CELF2: variants seen among roughly 807,000 people sequenced by gnomAD.
The protein encoded by CELF2 is CUGBP Elav-like family member 2, also known as CUG triplet repeat RNA-binding protein 2.
A neutral mutation model predicts 62.6 loss-of-function variants in CELF2; 8 were observed. The observed-to-expected ratio is 0.13, with a 90% CI of 0.07 to 0.23. CELF2 has a LOEUF of 0.23. Ranked by LOEUF, CELF2 falls within the 10% of genes least tolerant of loss-of-function variation. The pLI is 1.00. For synonymous variants in CELF2, 258 were observed against 250.0 expected (o/e 1.03, Z -0.30); for missense variants, 333 against 671.0 (o/e 0.50, Z 5.56).
chr10:10,913,858 A>AGAAGGAAGGAAGGAAGGAAGGAAG (rs71378770), intron 1 of CELF2, among the ~76,000 whole-genome samples: 9,139 of 100,920 alleles, frequency 0.091, 755 homozygotes, highest in Non-Finnish European at 0.11. Context: ...AGGGAAGGAG[A>AGAAGGAAGGAAGGAAGGAAGGAAG]GAAGGAAGGA....
chr10:11,110,683 C>T lies in CELF2; in HGVS notation c.75-54803C>T, dbSNP rs1346642825. ...CAGCCAGTGTGACGTTGAGAGTGTT[C>T]TCATGGGTCGTTGGCATTCTCAGCA... On this transcript the variant is annotated intron_variant, in intron 1 of 12. Transcript: ENST00000633077. The surrounding 1 kb of genome is among the most constrained non-coding windows in gnomAD (Gnocchi z 4.0). Among the ~76,000 whole-genome samples, 1 of 152,238 alleles carries T rather than the reference C, an allele frequency of 6.6e-6. No homozygotes were observed. The highest frequency in any genetic ancestry group is 2.1e-4 in the South Asian group (1 of 4,818).
At chr10:11,031,123 C>T (rs933305291) in intron 1 of CELF2, among the ~76,000 whole-genome samples, 3 of 152,274 alleles carry the variant, frequency 2.0e-5, no homozygotes, top group East Asian at 3.9e-4. Flanking sequence ...TCTCAGGTGG[C>T]GCTACGCCTT....
chr10:10,788,132 C>T, the CELF2 span, among the ~76,000 whole-genome samples: 1 of 152,052 alleles, frequency 6.6e-6, no homozygotes, highest in Admixed American at 6.6e-5. Context: ...ATTTTTGAAG[C>T]CCTGCTTTTC....
intron 1 of CELF2, among the ~76,000 whole-genome samples, chr10:11,102,642 A>G (rs2052035722): frequency 6.6e-6 from 1 of 152,186 alleles, no homozygotes; most frequent in Admixed American, 6.5e-5. Context: ...GGAACTCTTG[A>G]CTTTTACATC....
chr10:10,578,894 C>A, the CELF2 span, among the ~76,000 whole-genome samples: 1 of 152,124 alleles, frequency 6.6e-6, no homozygotes, highest in Non-Finnish European at 1.5e-5. Context: ...GTTGTTGATG[C>A]TAATATTAAC....
At chr10:11,077,607 A>G (rs1042952026) in intron 1 of CELF2, among the ~76,000 whole-genome samples, 4 of 152,292 alleles carry the variant, frequency 2.6e-5, no homozygotes, top group Non-Finnish European at 5.9e-5. Context: ...ACCTATTATT[A>G]CTTTTATCAG....
chr10:11,153,032 A>G (rs963156974), intron 1 of CELF2, among the ~76,000 whole-genome samples: 1 of 152,214 alleles, frequency 6.6e-6, no homozygotes, highest in Non-Finnish European at 1.5e-5. Context: ...CCTGGACCAC[A>G]TTACAAGAAA....
chr10:10,627,934 G>C, the CELF2 span, among the ~76,000 whole-genome samples: 2 of 151,990 alleles, frequency 1.3e-5, no homozygotes, highest in African/African-American at 4.8e-5. Context: ...ATAGAGTCTC[G>C]CTCTGTCACC....
chr10:11,219,425 C>T (rs2064174616), intron 3 of CELF2, among the ~76,000 whole-genome samples: 1 of 152,208 alleles, frequency 6.6e-6, no homozygotes, highest in African/African-American at 2.4e-5. Context: ...GGTGATGTTA[C>T]AGACCCACTG....
In CELF2 at chr10:11,324,347, G is replaced by C. The variant is rs886800591; in HGVS notation, c.1295-1489G>C. Among the ~76,000 whole-genome samples the C allele has an allele frequency of 4.6e-5, 7 of 152,314 alleles. No individual in the cohort carries two copies. The highest frequency in any genetic ancestry group is 1.7e-4 in the African/African-American group (7 of 41,568). On this transcript the variant is annotated intron_variant, in intron 11 of 12. Transcript: ENST00000633077. This position sits in a 1 kb window ranked among gnomAD's most constrained non-coding sequence, Gnocchi z 4.7. The stretch of plus-strand genomic sequence containing the variant: ...ATCTGACCATCAGACATACCACCCA[G>C]GATGTGCACACACAGCAGTGCTCAG...
intron 2 of CELF2, among the ~76,000 whole-genome samples, chr10:11,167,970 T>G (rs1447904640): frequency 6.6e-6 from 1 of 152,182 alleles, no homozygotes; most frequent in African/African-American, 2.4e-5. Context: ...TCTGTCTTCA[T>G]GGACTACACC....
chr10:11,263,528 G>A (rs2081329437), intron 5 of CELF2, among the ~76,000 whole-genome samples: 1 of 152,176 alleles, frequency 6.6e-6, no homozygotes, highest in South Asian at 2.1e-4. Flanking sequence ...GTCTAGAATA[G>A]TTAAGGGCTG....
chr10:10,797,305 T>G (rs1192179360), upstream of CELF2, among the ~76,000 whole-genome samples: 1 of 152,114 alleles, frequency 6.6e-6, no homozygotes, highest in Non-Finnish European at 1.5e-5. Flanking sequence ...TCTTTCAGTC[T>G]TCCCTCTTCC....
At chr10:10,720,311 G>A in the CELF2 span, among the ~76,000 whole-genome samples, 2 of 152,334 alleles carry the variant, frequency 1.3e-5, no homozygotes, top group South Asian at 2.1e-4. Context: ...CTTCAATAGC[G>A]TGTTTCCTGC....
rs1479408697 is a variant in CELF2, at chr10:11,005,669, C to A, written c.53+229C>A. ...CCGTGAATTCTATTTGTACTAGTTG[C>A]CTTTTGAAAGCATATCATGTATTTG... On this transcript the variant is annotated intron_variant, in intron 1 of 12. Transcript: ENST00000416382. This position sits in a 1 kb window ranked among gnomAD's most constrained non-coding sequence, Gnocchi z 4.3. 6.6e-6 allele frequency among the ~76,000 whole-genome samples: 1 copy of A among 152,090 alleles called. No homozygotes were observed. Among genetic ancestry groups the A allele is most frequent in the Non-Finnish European group, 1.5e-5 (1 of 68,028 alleles).
chr10:11,060,216 A>G (rs1198996717), intron 1 of CELF2, among the ~76,000 whole-genome samples: 1 of 152,212 alleles, frequency 6.6e-6, no homozygotes, highest in Non-Finnish European at 1.5e-5. Context: ...CTGAAAGAAC[A>G]TGGAATACAC....
the CELF2 span, among the ~76,000 whole-genome samples, chr10:10,707,065 T>A: frequency 1.3e-5 from 2 of 152,216 alleles, no homozygotes; most frequent in Non-Finnish European, 2.9e-5. Flanking sequence ...AGGGGGTCAA[T>A]GCTGAAGTCC....
chr10:10,868,446 C>G (rs2060521105), intron 1 of CELF2, among the ~76,000 whole-genome samples: 1 of 152,212 alleles, frequency 6.6e-6, no homozygotes, highest in South Asian at 2.1e-4. Context: ...GCTTCCAAGC[C>G]AGTTAAAGAT....
At chr10:10,955,689 A>G (rs2048813449) in intron 2 of CELF2, among the ~76,000 whole-genome samples, 1 of 152,306 alleles carries the variant, frequency 6.6e-6, no homozygotes, top group African/African-American at 2.4e-5. Context: ...TTAAACCCAG[A>G]TAGTCTGCCC....
Sources: gnomAD v4.1 joint callset for allele counts (sites outside exome capture counted in the v4.1 genomes callset) on GRCh38, gnomAD v4.1.1 for gene constraint, Gnocchi (gnomAD v3.1) non-coding constraint, MANE v1.5 for transcripts, NCBI Gene and HGNC (gene_info 2026-07-23, HGNC 2026-07-21) for gene names.